Variants in SIPA1L1 observed in about 807,000 individuals in gnomAD.
The protein encoded by SIPA1L1 is signal-induced proliferation-associated 1-like protein 1.
SIPA1L1 carries 26 observed loss-of-function variants against 162.7 expected under a neutral mutation model. The observed-to-expected ratio is 0.16, with a 90% CI of 0.12 to 0.22. The LOEUF is 0.22. SIPA1L1 is among the 10% of genes least tolerant of loss of function. The pLI, the probability that SIPA1L1 is intolerant of heterozygous loss-of-function variation, is 1.00. For missense variants in SIPA1L1, 1,874 were observed against 2,241.0 expected (o/e 0.84, Z 3.31); for synonymous variants, 829 against 837.4 (o/e 0.99, Z 0.17).
At chr14:71,349,204 G>A (rs1342788601) in intron 2 of SIPA1L1, among the ~76,000 whole-genome samples, 1 of 152,192 alleles carries the variant, frequency 6.6e-6, no homozygotes, top group East Asian at 1.9e-4. Flanking sequence ...CACAAAAAGG[G>A]AATGATCTAA....
intron 2 of SIPA1L1, among the ~76,000 whole-genome samples, chr14:71,507,453 A>T (rs1434657236): frequency 2.6e-5 from 4 of 152,192 alleles, no homozygotes; most frequent in East Asian, 3.8e-4. Flanking sequence ...TAATCAATTG[A>T]TGTGTAGTTC....
chr14:71,485,037 G>A (rs1014928436), intron 2 of SIPA1L1, among the ~76,000 whole-genome samples: 4 of 152,192 alleles, frequency 2.6e-5, no homozygotes, highest in African/African-American at 7.2e-5. Context: ...TTAGATGAGT[G>A]TAATTCGTTG....
At chr14:71,572,562 T>C (rs1460048504) in intron 4 of SIPA1L1, among the ~76,000 whole-genome samples, 1 of 152,166 alleles carries the variant, frequency 6.6e-6, no homozygotes, top group Non-Finnish European at 1.5e-5. Flanking sequence ...ACTGTCAGGA[T>C]GGTGATTGGT....
intron 5 of SIPA1L1, among the ~76,000 whole-genome samples, chr14:71,594,723 G>A (rs887141292): frequency 6.6e-6 from 1 of 152,098 alleles, no homozygotes; most frequent in African/African-American, 2.4e-5. Context: ...TGCCTTTCAT[G>A]TTTTTATTGA....
intron 5 of SIPA1L1, among the ~76,000 whole-genome samples, chr14:71,596,262 G>A (rs1336314613): frequency 1.3e-5 from 2 of 152,194 alleles, no homozygotes; most frequent in African/African-American, 4.8e-5. Context: ...CATTACTAGA[G>A]CATTACTCCT....
chr14:71,617,998 T>G (rs1432343704), intron 5 of SIPA1L1, among the ~76,000 whole-genome samples: 7 of 152,250 alleles, frequency 4.6e-5, no homozygotes, highest in Non-Finnish European at 2.9e-5. Context: ...ATTAACTTAA[T>G]TTTGATCCCT....
intron 2 of SIPA1L1, among the ~76,000 whole-genome samples, chr14:71,324,980 T>C (rs574287833): frequency 6.6e-5 from 10 of 152,222 alleles, no homozygotes; most frequent in Non-Finnish European, 1.0e-4. Context: ...AGTGGAGTAA[T>C]CTGAGCCAGC....
At chr14:71,641,280 T>TA (rs764035937) in intron 7 of SIPA1L1, among the ~76,000 whole-genome samples, 2,004 of 100,778 alleles carry the variant, frequency 0.02, 16 homozygotes, top group African/African-American at 0.033. Flanking sequence ...CAAGATAATC[T>TA]AAAAAAAAAA....
intron 2 of SIPA1L1, among the ~76,000 whole-genome samples, chr14:71,456,258 C>T (rs1021688479): frequency 6.6e-6 from 1 of 152,154 alleles, no homozygotes; most frequent in African/African-American, 2.4e-5. Flanking sequence ...ACGAGCAAAT[C>T]AGATGAGAGA....
At position 71,668,739 on chromosome 14, in the gene SIPA1L1, TCAACAATGC is replaced by T. The variant is rs1199379431; in HGVS notation, c.2256-2379_2256-2371del. On this transcript the variant is annotated intron_variant, in intron 10 of 23. Transcript: ENST00000381232. ...CCTGCTGAGTAGAACATTCCAGTCC[TCAACAATGC>T]TGGGTAAATAAAGCATGGCTATGAT... 3.9e-5 allele frequency among the ~76,000 whole-genome samples: 6 copies of T among 152,292 alleles called. No homozygotes were observed. In the South Asian group the frequency reaches 1.2e-3, roughly 32 times the overall value.
chr14:71,649,015 C>T (rs1284425431), intron 7 of SIPA1L1, among the ~76,000 whole-genome samples: 6 of 152,134 alleles, frequency 3.9e-5, no homozygotes, highest in African/African-American at 7.2e-5. Context: ...AAACACTGCA[C>T]GTAGTGCCTG....
intron 2 of SIPA1L1, among the ~76,000 whole-genome samples, chr14:71,450,767 G>A (rs550790202): frequency 1.3e-5 from 2 of 152,108 alleles, no homozygotes; most frequent in African/African-American, 4.8e-5. Flanking sequence ...TGTTTTGAGA[G>A]GATGGGGGAA....
At chr14:71,528,208 A>AT (rs557580066) in intron 3 of SIPA1L1, among the ~76,000 whole-genome samples, 4 of 152,094 alleles carry the variant, frequency 2.6e-5, no homozygotes, top group Non-Finnish European at 4.4e-5. Context: ...ATATTTTTGC[A>AT]TTTTTTTCTC....
intron 8 of SIPA1L1, among the ~76,000 whole-genome samples, chr14:71,657,375 G>A (rs2149192012): frequency 6.7e-6 from 1 of 149,988 alleles, no homozygotes; most frequent in African/African-American, 2.4e-5. Context: ...AAATTGGGTT[G>A]ATAGAGGGTT....
At chr14:71,566,224 A>G (rs2030528441) in intron 4 of SIPA1L1, among the ~76,000 whole-genome samples, 1 of 152,238 alleles carries the variant, frequency 6.6e-6, no homozygotes, top group South Asian at 2.1e-4. Context: ...TTTACTTTAT[A>G]ATAACCTAGC....
rs867781654 is a variant in SIPA1L1, at chr14:71,739,235, A to G, written c.*74A>G. 52 of 1,423,402 alleles carry G rather than the reference A, an allele frequency of 3.7e-5. No individual in the cohort carries two copies. The African/African-American group carries it at 5.2e-4, about 14-fold the overall frequency. The allele number at this position is 1,423,402 out of a possible 1,614,324, so 88.2% of individuals were successfully genotyped here. A position where few individuals can be genotyped will look rare whatever the true frequency, so the allele number is the denominator to read the frequency against. ...GTGTCCTGCAGCCCTTATTCCCTCC[A>G]TAGAAAGCATCCTCAGAGCACCTTC... is the stretch of plus-strand genomic sequence containing the variant. On this transcript the variant is annotated 3_prime_UTR_variant, in exon 24 of 24. Coordinates refer to ENST00000381232, the MANE Select transcript of SIPA1L1 (RefSeq NM_001386936.1).
At chr14:71,594,084 A>G (rs1191735807) in intron 5 of SIPA1L1, among the ~76,000 whole-genome samples, 2 of 152,176 alleles carry the variant, frequency 1.3e-5, no homozygotes, top group African/African-American at 2.4e-5. Context: ...CTCCATTCCA[A>G]AACACATACA....
intron 2 of SIPA1L1, chr14:71,330,407 G>C: frequency 8.0e-7 from 1 of 1,253,280 alleles, no homozygotes; most frequent in South Asian, 1.2e-5. Context: ...CTGATTTCAC[G>C]AGCTGTCTTC....
intron 5 of SIPA1L1, among the ~76,000 whole-genome samples, chr14:71,590,194 T>C (rs879900650): frequency 6.6e-6 from 1 of 151,682 alleles, no homozygotes; most frequent in Non-Finnish European, 1.5e-5. Flanking sequence ...GTAAGTAGTA[T>C]AAGTGAACCC....
Sources: allele counts gnomAD v4.1 joint callset (sites outside exome capture counted in the v4.1 genomes callset), GRCh38; gene constraint gnomAD v4.1.1; transcripts MANE v1.5; gene names NCBI Gene and HGNC (gene_info 2026-07-23, HGNC 2026-07-21).